The following STX8 variants were observed in gnomAD, a reference collection of about 807,000 sequenced individuals.
STX8 encodes syntaxin 8.
Under a neutral mutation model 37.5 loss-of-function variants are expected in STX8, and 23 were observed. The ratio of observed to expected loss-of-function variants is 0.61; its 90% confidence interval spans 0.44 to 0.87. The LOEUF is 0.87. Ranked by LOEUF, STX8 falls within the 40% of genes least tolerant of loss-of-function variation. The pLI is 0.00. For synonymous variants in STX8, 115 were observed against 99.1 expected, an observed-to-expected ratio of 1.16 and a Z score of -0.95; for missense variants, 313 against 284.7, an observed-to-expected ratio of 1.10 and a Z score of -0.71.
At chr17:9,413,351 GT>G (rs1471304330) in intron 6 of STX8, among the ~76,000 whole-genome samples, 1 of 152,210 alleles carries the variant, frequency 6.6e-6, no homozygotes, top group Non-Finnish European at 1.5e-5. Flanking sequence ...CTGCCCAAAG[GT>G]AAAATGTGGA....
At chr17:9,509,448 C>A (rs1904952627) in intron 4 of STX8, among the ~76,000 whole-genome samples, 1 of 151,852 alleles carries the variant, frequency 6.6e-6, no homozygotes. Flanking sequence ...GCAAAGATAT[C>A]CTCCAGAAAT....
rs117161673 is a variant in STX8, at chr17:9,268,486, G to A, written c.644-17841C>T. Among the ~76,000 whole-genome samples the A allele has an allele frequency of 7.4e-3, 1,120 of 152,290 alleles. 7 individuals carry two copies. Among genetic ancestry groups the A allele is most frequent in the Non-Finnish European group, 0.012 (785 of 68,022 alleles). ...GGAGTATTCACACTCTGCAGTGCAA[G>A]AGCCTGTCCTTCATCTTGGGGGATG... is the stretch of plus-strand genomic sequence containing the variant. On this transcript the variant is annotated intron_variant, in intron 7 of 7. Coordinates refer to ENST00000306357, the MANE Select transcript of STX8 (RefSeq NM_004853.3).
At chr17:9,528,223 A>G (rs1905657828) in intron 4 of STX8, among the ~76,000 whole-genome samples, 1 of 152,188 alleles carries the variant, frequency 6.6e-6, no homozygotes, top group Admixed American at 6.5e-5. Context: ...CAAACAGCCA[A>G]TCCTGGTTAC....
intron 4 of STX8, among the ~76,000 whole-genome samples, chr17:9,534,571 A>G (rs1905952890): frequency 6.6e-6 from 1 of 152,204 alleles, no homozygotes; most frequent in African/African-American, 2.4e-5. Context: ...TAGGCGGATC[A>G]TGAGGTCAAG....
chr17:9,298,838 AAAACC>A (rs921316528), intron 7 of STX8, among the ~76,000 whole-genome samples: 16 of 152,148 alleles, frequency 1.1e-4, no homozygotes, highest in East Asian at 3.8e-4. Context: ...AAAACAAAAC[AAAACC>A]AAACCAAACC....
At chr17:9,559,982 G>A (rs1429957819) in intron 2 of STX8, among the ~76,000 whole-genome samples, 1 of 148,024 alleles carries the variant, frequency 6.8e-6, no homozygotes, top group African/African-American at 2.5e-5. Context: ...GGCTGGTCTC[G>A]AACTCCTGAC....
At chr17:9,308,542 G>A (rs1057097411) in intron 7 of STX8, among the ~76,000 whole-genome samples, 2 of 152,034 alleles carry the variant, frequency 1.3e-5, no homozygotes, top group East Asian at 3.9e-4. Context: ...GGCCAAGATG[G>A]TGAAACCCTG....
chr17:9,267,546 G>A (rs567714890), intron 7 of STX8, among the ~76,000 whole-genome samples: 42 of 152,278 alleles, frequency 2.8e-4, no homozygotes, highest in East Asian at 7.7e-4. Context: ...GCCATCGGGC[G>A]CAACTACTCT....
intron 2 of STX8, among the ~76,000 whole-genome samples, chr17:9,563,870 G>A (rs572407249): frequency 1.3e-5 from 2 of 152,290 alleles, no homozygotes; most frequent in South Asian, 4.1e-4. Context: ...GAATCCAGCA[G>A]CACATCAAAA....
At chr17:9,544,997 A>T (rs375402532) in intron 4 of STX8, among the ~76,000 whole-genome samples, 175 bp downstream of exon 4, 2 of 152,128 alleles carry the variant, frequency 1.3e-5, no homozygotes, top group East Asian at 3.8e-4. Context: ...TCTGTCTCAA[A>T]CAAACAAACA....
intron 3 of STX8, among the ~76,000 whole-genome samples, chr17:9,549,336 CTA>C (rs1482437578): frequency 1.3e-5 from 2 of 152,176 alleles, no homozygotes; most frequent in Admixed American, 1.3e-4. Flanking sequence ...AACTTGATGA[CTA>C]TGTTTTGTAG....
At chr17:9,515,372 G>T (rs1033158942) in intron 4 of STX8, among the ~76,000 whole-genome samples, 1 of 152,060 alleles carries the variant, frequency 6.6e-6, no homozygotes, top group Non-Finnish European at 1.5e-5. Flanking sequence ...GAAAATTTTT[G>T]ATTCCTTAGA....
At chr17:9,553,487 AG>A (rs1273261987) in intron 3 of STX8, 6 of 152,218 alleles carry the variant, frequency 3.9e-5, no homozygotes, top group African/African-American at 1.4e-4. Flanking sequence ...AAGTGTAGAA[AG>A]GCATCAATTT....
chr17:9,547,751 T>A (rs574080011), intron 3 of STX8, among the ~76,000 whole-genome samples: 6 of 150,776 alleles, frequency 4.0e-5, no homozygotes, highest in African/African-American at 9.7e-5. Flanking sequence ...AACCAGACAC[T>A]CTCATACATT....
intron 2 of STX8, among the ~76,000 whole-genome samples, chr17:9,562,013 G>A (rs1419719495): frequency 2.0e-5 from 3 of 151,704 alleles, no homozygotes; most frequent in African/African-American, 7.3e-5. Flanking sequence ...ATAGAAGAAA[G>A]CAGGAATAAA....
At chr17:9,333,955 T>A (rs532393731) in intron 7 of STX8, among the ~76,000 whole-genome samples, 1 of 152,200 alleles carries the variant, frequency 6.6e-6, no homozygotes, top group African/African-American at 2.4e-5. Flanking sequence ...CAGAACCGGC[T>A]GAGCAGGAGA....
At chr17:9,277,776 A>G (rs1658185801) in intron 7 of STX8, among the ~76,000 whole-genome samples, 1 of 152,168 alleles carries the variant, frequency 6.6e-6, no homozygotes, top group African/African-American at 2.4e-5. Flanking sequence ...AAAGCCAGGC[A>G]GAGTGGGAAG....
At chr17:9,425,912 C>T (rs1825948369) in intron 6 of STX8, among the ~76,000 whole-genome samples, 1 of 152,176 alleles carries the variant, frequency 6.6e-6, no homozygotes, top group Admixed American at 6.5e-5. Context: ...CTCAATCTCT[C>T]TCTTGCACGC....
chr17:9,430,322 C>T (rs1275490019), intron 6 of STX8, among the ~76,000 whole-genome samples: 8 of 147,638 alleles, frequency 5.4e-5, no homozygotes, highest in Admixed American at 2.1e-4. Flanking sequence ...TTATCTATTT[C>T]CAAAACTTTA....
Sources: allele counts gnomAD v4.1 joint callset (sites outside exome capture counted in the v4.1 genomes callset), GRCh38; gene constraint gnomAD v4.1.1; transcripts MANE v1.5; gene names NCBI Gene and HGNC (gene_info 2026-07-23, HGNC 2026-07-21).